The following DNAH3 variants were observed in gnomAD, a reference collection of about 807,000 sequenced individuals.
DNAH3 encodes the protein axonemal beta dynein heavy chain 3.
In DNAH3, 332 loss-of-function variants were observed where a neutral mutation model predicts 432.5. The ratio of observed to expected loss-of-function variants is 0.77; its 90% CI spans 0.70 to 0.84. DNAH3 has a LOEUF of 0.84. DNAH3 is among the 40% of genes least tolerant of loss of function. The probability of loss-of-function intolerance (pLI) is 0.00; values close to 1 mark genes in which losing one functional copy is unlikely to be tolerated. For missense variants in DNAH3, 4,861 were observed against 5,114.0 expected (o/e 0.95, Z 1.51); for synonymous variants, 1,956 against 1,900.2 (o/e 1.03, Z -0.76).
At chr16:20,976,177 C>T (rs1370729534) in intron 50 of DNAH3, among the ~76,000 whole-genome samples, 1 of 151,952 alleles carries the variant, frequency 6.6e-6, no homozygotes, top group Non-Finnish European at 1.5e-5. Context: ...CAGGTCTCTA[C>T]AAAATTTTTT....
intron 50 of DNAH3, among the ~76,000 whole-genome samples, chr16:20,977,975 T>C (rs778889745): frequency 1.3e-5 from 2 of 152,190 alleles, no homozygotes; most frequent in Admixed American, 6.6e-5. Context: ...CATCCCTGCA[T>C]TGCAGTGTTT....
At chr16:21,070,579 T>G in intron 22 of DNAH3, 131 bp downstream of exon 22, 2 of 620,740 alleles carry the variant, frequency 3.2e-6, no homozygotes, top group Non-Finnish European at 6.0e-6. Flanking sequence ...CACTGTATCA[T>G]TTATTTATTT....
chr16:21,105,432 A>G (rs1320359303), intron 15 of DNAH3, among the ~76,000 whole-genome samples: 1 of 152,220 alleles, frequency 6.6e-6, no homozygotes, highest in East Asian at 1.9e-4. Context: ...GAGCATGAAG[A>G]AAAGTGTCTC....
intron 20 of DNAH3, among the ~76,000 whole-genome samples, chr16:21,080,891 A>G (rs2091160776): frequency 6.6e-6 from 1 of 152,180 alleles, no homozygotes; most frequent in South Asian, 2.1e-4. Context: ...GGAGAAGGGA[A>G]GAAAGCAAGA....
In DNAH3 at chr16:21,047,694, T is replaced by C. The variant is rs373848566; in HGVS notation, c.4461+1875A>G. On this transcript the variant is annotated intron_variant, in intron 31 of 61. Transcript: ENST00000261383. ...CTCAGCTCGTCAAAGCCATTCTCCA[T>C]CCAGCTTTGTTCCGTTGCTGGTGAG... Among the ~76,000 whole-genome samples, 50 of 152,318 alleles carry C rather than the reference T, an allele frequency of 3.3e-4. No individual in the cohort carries two copies. The East Asian group carries it at 4.1e-3, about 12-fold the overall frequency.
Position 20,983,191 on chromosome 16 carries a change from T to C in DNAH3, c.7666-277A>G, listed in dbSNP as rs113508056. On this transcript the variant is annotated intron_variant, in intron 48 of 61. Transcript: ENST00000261383. Reference sequence around the variant, plus strand: ...CCCAGACTGGAGTGCAGTGGCGCAATCTCGGCTCACTGCAACCTCCGCCTC... The same window carrying C: ...CCCAGACTGGAGTGCAGTGGCGCAACCTCGGCTCACTGCAACCTCCGCCTC... Among the ~76,000 whole-genome samples the C allele has an allele frequency of 1.7e-3, 260 of 152,320 alleles. 1 individual carries two copies. Among genetic ancestry groups the C allele is most frequent in the African/African-American group, 5.6e-3 (233 of 41,568 alleles).
At chr16:21,001,126 C>T (rs1399034941) in intron 42 of DNAH3, among the ~76,000 whole-genome samples, 2 of 152,154 alleles carry the variant, frequency 1.3e-5, no homozygotes, top group Non-Finnish European at 2.9e-5. Flanking sequence ...TAAGACCCAC[C>T]CTTACTAATC....
chr16:20,982,926 G>T, intron 48 of DNAH3, 40 bp from the exon 49 acceptor site: 4 of 1,610,292 alleles, frequency 2.5e-6, no homozygotes, highest in Non-Finnish European at 3.4e-6. Context: ...TTCCTCCAAG[G>T]CAGGTGGACC....
At chr16:21,115,172 C>T (rs1694685928) in intron 12 of DNAH3, among the ~76,000 whole-genome samples, 8 of 151,848 alleles carry the variant, frequency 5.3e-5, no homozygotes. Context: ...TGTTCTCACT[C>T]ATAGATGGGA....
chr16:21,122,248 T>C, intron 9 of DNAH3, 124 bp from the exon 11 acceptor site: 1 of 768,780 alleles, frequency 1.3e-6, no homozygotes, highest in Non-Finnish European at 2.0e-6. Flanking sequence ...CATCATACAC[T>C]GTTTATATTT....
intron 39 of DNAH3, among the ~76,000 whole-genome samples, chr16:21,023,570 C>G (rs1204731494): frequency 6.6e-6 from 1 of 152,016 alleles, no homozygotes; most frequent in Non-Finnish European, 1.5e-5. Flanking sequence ...GAGCAAAAGC[C>G]TTGAGGTGAT....
intron 44 of DNAH3, among the ~76,000 whole-genome samples, chr16:20,992,288 T>G (rs913177349): frequency 5.9e-5 from 9 of 152,232 alleles, no homozygotes; most frequent in African/African-American, 1.7e-4. Flanking sequence ...CGGTAATCTT[T>G]GATAGCTTTC....
intron 20 of DNAH3, among the ~76,000 whole-genome samples, chr16:21,077,459 G>A (rs562712812): frequency 9.9e-5 from 15 of 152,236 alleles, no homozygotes; most frequent in African/African-American, 3.4e-4. Flanking sequence ...CACCATGCCC[G>A]GCCAGTATTC....
chr16:20,957,906 A>G (rs2084645414), intron 54 of DNAH3, among the ~76,000 whole-genome samples: 1 of 144,720 alleles, frequency 6.9e-6, no homozygotes, highest in African/African-American at 2.5e-5. Flanking sequence ...GGTTCAACTC[A>G]TTATTTTATG....
At position 21,099,187 on chromosome 16, in the gene DNAH3, C is replaced by A. The variant is rs527674323; in HGVS notation, c.2367-418G>T. The stretch of plus-strand genomic sequence containing the variant: ...GCGAAGTATGCTATTAAGTTCTCTA[C>A]CTTCATGGAGCTTCTATTTTAACTG... On this transcript the variant is annotated intron_variant, in intron 16 of 61. Transcript: ENST00000261383. Among the ~76,000 whole-genome samples, 15 of 152,058 alleles carry A rather than the reference C, an allele frequency of 9.9e-5. No individual in the cohort carries two copies. In the East Asian group the frequency reaches 2.7e-3, roughly 27 times the overall value.
chr16:21,104,535 A>G lies in DNAH3; in HGVS notation c.2302T>C (p.Phe768Leu). ...AGGAGCAAGTTCCGGCTGTTGTCAA[A>G]GATATCTTCAATCTGGTCTGGCCAG... Residue 768 changes from phenylalanine to leucine, a missense_variant, in exon 16 of 62, where the codon TTT (phenylalanine) becomes CTT (leucine). Phe to Leu is a conservative substitution (Grantham distance 22). Coordinates refer to ENST00000261383, the Ensembl canonical transcript of DNAH3. The G allele has an allele frequency of 6.2e-7, 1 of 1,614,018 alleles. No individual in the cohort carries two copies. The highest frequency in any genetic ancestry group is 1.1e-5 in the South Asian group (1 of 91,076).
intron 44 of DNAH3, 183 bp downstream of exon 44, chr16:20,997,100 T>G (rs1226408720): frequency 1.7e-6 from 1 of 577,434 alleles, no homozygotes; most frequent in Non-Finnish European, 3.0e-6. Flanking sequence ...CTTCTTGCCA[T>G]CGTCCCCTTC....
intron 61 of DNAH3, 146 bp from the exon 62 acceptor site, chr16:20,933,653 G>A (rs142175988): frequency 3.0e-6 from 2 of 659,384 alleles, no homozygotes; most frequent in African/African-American, 1.8e-5. Context: ...GGGCTTCTGT[G>A]ATAATATTCC....
At chr16:20,933,252 A>C in exon 62 of DNAH3, 1 of 1,614,226 alleles carries the variant, frequency 6.2e-7, no homozygotes. Context: ...TAGTTGGTAG[A>C]GTGGCCTGTG....
Sources: allele counts gnomAD v4.1 joint callset (sites outside exome capture counted in the v4.1 genomes callset), GRCh38; gene constraint gnomAD v4.1.1; transcripts MANE v1.5; gene names NCBI Gene and HGNC (gene_info 2026-07-23, HGNC 2026-07-21).